CLASP1: variants seen among roughly 807,000 people sequenced by gnomAD.
The protein encoded by CLASP1 is cytoplasmic linker associated protein 1, also known as CLIP-associating protein 1.
CLASP1 carries 38 observed loss-of-function variants against 192.3 expected under a neutral mutation model. That is an observed-to-expected ratio of 0.20 (90% confidence interval 0.15 to 0.26). The LOEUF is 0.26. Ranked by LOEUF, CLASP1 falls within the 10% of genes least tolerant of loss-of-function variation. The pLI, the probability that CLASP1 is intolerant of heterozygous loss-of-function variation, is 1.00. For missense variants in CLASP1, 1,433 were observed against 1,932.5 expected (o/e 0.74, Z 4.85); for synonymous variants, 691 against 712.8 (o/e 0.97, Z 0.49).
At chr2:121,453,089 C>G (rs1389307442) in intron 14 of CLASP1, among the ~76,000 whole-genome samples, 1 of 152,102 alleles carries the variant, frequency 6.6e-6, no homozygotes, top group Non-Finnish European at 1.5e-5. Flanking sequence ...GCATTTGAGA[C>G]CAGCCTAGGC....
Position 121,606,807 on chromosome 2 carries a change from C to T in CLASP1, c.-285-627G>A, listed in dbSNP as rs140794602. Among the ~76,000 whole-genome samples, 1,299 of 152,242 alleles carry T rather than the reference C, an allele frequency of 8.5e-3. 20 individuals are homozygous for T. Among genetic ancestry groups the T allele is most frequent in the African/African-American group, 0.03 (1,251 of 41,538 alleles). ...GCGCAGTGGCTCACGCCTGTAATCC[C>T]AACACTTTGGGAGGCCACGGCAGGC... is the stretch of plus-strand genomic sequence containing the variant. On this transcript the variant is annotated intron_variant, in intron 1 of 39. Transcript: ENST00000263710.
intron 20 of CLASP1, among the ~76,000 whole-genome samples, chr2:121,429,499 T>G (rs535604820): frequency 4.3e-4 from 65 of 152,310 alleles, no homozygotes; most frequent in Non-Finnish European, 7.9e-4. Context: ...CCAGAATAAA[T>G]TCATTCCAGC....
intron 1 of CLASP1, among the ~76,000 whole-genome samples, chr2:121,616,362 G>T (rs1026523611): frequency 1.3e-5 from 2 of 152,068 alleles, no homozygotes; most frequent in African/African-American, 4.8e-5. Context: ...CAATAGAATC[G>T]CTTGAACCTG....
chr2:121,501,364 C>T (rs981731095), intron 8 of CLASP1, among the ~76,000 whole-genome samples: 6 of 152,166 alleles, frequency 3.9e-5, no homozygotes, highest in Admixed American at 3.9e-4. Flanking sequence ...CCCCACTCAT[C>T]ACGAGTGCAC....
chr2:121,356,745 C>G (rs542902118), intron 37 of CLASP1, among the ~76,000 whole-genome samples: 27 of 152,206 alleles, frequency 1.8e-4, no homozygotes, highest in Non-Finnish European at 3.4e-4. Context: ...GAAATGACCT[C>G]TAACAAGACA....
chr2:121,458,125 C>T (rs2087083107), intron 13 of CLASP1, among the ~76,000 whole-genome samples: 1 of 152,108 alleles, frequency 6.6e-6, no homozygotes, highest in Admixed American at 6.5e-5. Context: ...TTGGGTTTAA[C>T]AGTTAAAGCA....
chr2:121,524,436 T>A (rs1262599146), intron 6 of CLASP1, among the ~76,000 whole-genome samples: 3 of 152,100 alleles, frequency 2.0e-5, no homozygotes, highest in Non-Finnish European at 4.4e-5. Context: ...TCTAAACATT[T>A]ATTTCCCATG....
chr2:121,401,927 T>C, intron 26 of CLASP1, 57 bp from the exon 28 acceptor site: 1 of 641,526 alleles, frequency 1.6e-6, no homozygotes. Context: ...CCATGTTAGT[T>C]GGCAGTGAAT....
chr2:121,433,851 T>C (rs193173034), intron 19 of CLASP1, among the ~76,000 whole-genome samples: 2 of 152,214 alleles, frequency 1.3e-5, no homozygotes, highest in Non-Finnish European at 2.9e-5. Flanking sequence ...CTGGTCATAC[T>C]AGCTGCATAA....
intron 30 of CLASP1, among the ~76,000 whole-genome samples, chr2:121,393,950 C>T (rs1323860341): frequency 6.6e-6 from 1 of 151,424 alleles, no homozygotes; most frequent in Non-Finnish European, 1.5e-5. Flanking sequence ...TCATAATTTG[C>T]ATAGATAGGT....
At chr2:121,344,446 C>T (rs1211587455) in intron 39 of CLASP1, among the ~76,000 whole-genome samples, 2 of 152,032 alleles carry the variant, frequency 1.3e-5, no homozygotes, top group African/African-American at 2.4e-5. Flanking sequence ...ATTCTCCTGC[C>T]TCGGCCTCCT....
chr2:121,559,024 C>T (rs1050145139), intron 2 of CLASP1, among the ~76,000 whole-genome samples: 1 of 152,196 alleles, frequency 6.6e-6, no homozygotes, highest in Non-Finnish European at 1.5e-5. Context: ...TACCTGAAAG[C>T]CATCCCCTGT....
intron 2 of CLASP1, among the ~76,000 whole-genome samples, chr2:121,581,529 C>T (rs892617008): frequency 2.6e-5 from 4 of 152,040 alleles, no homozygotes; most frequent in Non-Finnish European, 2.9e-5. Flanking sequence ...CCGCCTCGGC[C>T]TCCCAAAGTG....
chr2:121,414,812 C>A (rs1341467002), intron 23 of CLASP1, among the ~76,000 whole-genome samples: 1 of 152,118 alleles, frequency 6.6e-6, no homozygotes, highest in Non-Finnish European at 1.5e-5. Context: ...GAGACAAGGT[C>A]TCACTCTGTT....
At chr2:121,388,103 C>T (rs1266204998) in intron 30 of CLASP1, 197 bp from the exon 32 acceptor site, 1 of 491,656 alleles carries the variant, frequency 2.0e-6, no homozygotes, top group Non-Finnish European at 3.6e-6. Flanking sequence ...TAAACTCTGG[C>T]TTCATTTTAA....
chr2:121,346,998 G>T, intron 39 of CLASP1, 40 bp downstream of exon 40: 1 of 1,268,612 alleles, frequency 7.9e-7, no homozygotes, highest in South Asian at 1.3e-5. Flanking sequence ...AGCTGGCAGA[G>T]CCCAGGTGTG....
chr2:121,464,720 T>G (rs1380762345), intron 9 of CLASP1, among the ~76,000 whole-genome samples: 1 of 152,130 alleles, frequency 6.6e-6, no homozygotes, highest in African/African-American at 2.4e-5. Context: ...TAAATTTGTT[T>G]GAGTTCATTG....
At chr2:121,518,563 G>C (rs1469344460) in intron 6 of CLASP1, among the ~76,000 whole-genome samples, 1 of 152,126 alleles carries the variant, frequency 6.6e-6, no homozygotes, top group Admixed American at 6.5e-5. Flanking sequence ...TAATGTTAGG[G>C]AATATTTTTA....
At chr2:121,640,519 T>C (rs948107000) in intron 1 of CLASP1, among the ~76,000 whole-genome samples, 2 of 152,234 alleles carry the variant, frequency 1.3e-5, no homozygotes, top group Non-Finnish European at 2.9e-5. Flanking sequence ...TAAAAAGGAC[T>C]GTACAGTCAC....
Sources: gnomAD v4.1 joint callset for allele counts (sites outside exome capture counted in the v4.1 genomes callset) on GRCh38, gnomAD v4.1.1 for gene constraint, MANE v1.5 for transcripts, NCBI Gene and HGNC (gene_info 2026-07-23, HGNC 2026-07-21) for gene names.